The following NOSTRIN variants were observed in gnomAD, a reference collection of about 807,000 sequenced individuals.
NOSTRIN encodes nitric oxide synthase trafficking.
Under a neutral mutation model 59.0 loss-of-function variants are expected in NOSTRIN, and 63 were observed. That is an observed-to-expected ratio of 1.07 (90% CI 0.87 to 1.32). The LOEUF (loss-of-function observed/expected upper bound fraction) is 1.32, where lower values mean the gene tolerates loss of function less well. Ranked by LOEUF, NOSTRIN falls within the 40% of genes most tolerant of loss-of-function variation. The probability of loss-of-function intolerance (pLI) is 0.00; values close to 1 mark genes in which losing one functional copy is unlikely to be tolerated. For synonymous variants in NOSTRIN, 200 were observed against 165.4 expected (o/e 1.21, Z -1.61); for missense variants, 512 against 473.1 (o/e 1.08, Z -0.76).
At chr2:168,854,243 ATAGAGGCTATT>A (rs1415415468) in intron 10 of NOSTRIN, among the ~76,000 whole-genome samples, 3 of 152,230 alleles carry the variant, frequency 2.0e-5, no homozygotes, top group Non-Finnish European at 4.4e-5. Flanking sequence ...ATATGTTTTT[ATAGAGGCTATT>A]CCCTTTGCTC....
Position 168,855,348 on chromosome 2 carries a change from A to C in NOSTRIN, c.856-4A>C. 1 of 1,520,226 alleles carries C rather than the reference A, an allele frequency of 6.6e-7. No homozygotes were observed. Among genetic ancestry groups the C allele is most frequent in the Non-Finnish European group, 9.0e-7 (1 of 1,113,484 alleles). 94.2% of individuals were successfully genotyped at this position (1,520,226 alleles called of 1,614,324 possible). A position where few individuals can be genotyped will look rare whatever the true frequency, so the allele number is the denominator to read the frequency against. On this transcript the variant is annotated splice_polypyrimidine_tract_variant and splice_region_variant and intron_variant, in intron 10 of 15. Transcript: ENST00000317647. ...TTGTTAGACATCCTTCTTTTTTCCT[A>C]AAGGAAGAAGATCCTAACAGTGCAA...
In NOSTRIN at chr2:168,834,507, G is replaced by GCGCGCGCGCGCACACA. The variant is rs756381301; in HGVS notation, c.504+183_504+184insGCGCGCGCGCACACAC. ...TACTGGCGTGCGCGCGCGCGCGCGC[G>GCGCGCGCGCGCACACA]CACACACACACACACACACACACAC... is the stretch of plus-strand genomic sequence containing the variant. On this transcript the variant is annotated intron_variant, in intron 7 of 15. Transcript: ENST00000317647. Among the ~76,000 whole-genome samples the GCGCGCGCGCGCACACA allele has an allele frequency of 2.2e-4, 28 of 125,342 alleles. 1 individual carries two copies. Among genetic ancestry groups the GCGCGCGCGCGCACACA allele is most frequent in the East Asian group, 1.2e-3 (5 of 4,210 alleles). 82.2% of individuals were successfully genotyped at this position (125,342 alleles called of 152,430 possible).
intron 8 of NOSTRIN, among the ~76,000 whole-genome samples, chr2:168,848,785 G>A (rs535327052): frequency 2.6e-5 from 4 of 152,260 alleles, no homozygotes; most frequent in South Asian, 2.1e-4. Flanking sequence ...GGGATGCAGA[G>A]CGTAGGAAAT....
At chr2:168,853,674 G>C (rs193043730) in intron 10 of NOSTRIN, among the ~76,000 whole-genome samples, 1 of 152,286 alleles carries the variant, frequency 6.6e-6, no homozygotes, top group East Asian at 1.9e-4. Flanking sequence ...GTTTTAGTTA[G>C]GTGTCTTAGC....
rs1193947496 is a variant in NOSTRIN, at chr2:168,864,940, A to C, written c.1491A>C (p.Ser497=). The part of the protein sequence containing the change: ...FPAAYVEELP[S]NAGNTATKA ...CCGCTTATGTGGAGGAGTTACCTTC[A>C]AATGCTGGCAACACAGCTACAAAGG... Residue 497 remains serine, a synonymous_variant, in exon 16 of 16, where the codon TCA becomes TCC. Coordinates refer to ENST00000317647, the MANE Select transcript of NOSTRIN (RefSeq NM_001039724.4). 6.2e-7 allele frequency: 1 copy of C among 1,614,138 alleles called. No individual in the cohort carries two copies. Among genetic ancestry groups the C allele is most frequent in the East Asian group, 2.2e-5 (1 of 44,860 alleles).
At chr2:168,859,157 C>T (rs539400791) in intron 12 of NOSTRIN, 19 of 183,328 alleles carry the variant, frequency 1.0e-4, no homozygotes, top group East Asian at 4.5e-4. Context: ...TCACCTTCTT[C>T]GCAGACCACC....
intron 2 of NOSTRIN, among the ~76,000 whole-genome samples, chr2:168,790,266 C>A (rs951530915): frequency 6.6e-6 from 1 of 152,086 alleles, no homozygotes; most frequent in Non-Finnish European, 1.5e-5. Context: ...AAATGGGAAA[C>A]TATGAGTTCA....
At chr2:168,854,680 C>A (rs1194289368) in intron 10 of NOSTRIN, among the ~76,000 whole-genome samples, 1 of 152,106 alleles carries the variant, frequency 6.6e-6, no homozygotes, top group African/African-American at 2.4e-5. Flanking sequence ...CCTTTGCTCC[C>A]GCCATTTTTC....
intron 7 of NOSTRIN, 99 bp downstream of exon 7, chr2:168,834,424 C>G (rs1488196467): frequency 1.5e-6 from 1 of 681,804 alleles, no homozygotes; most frequent in African/African-American, 1.8e-5. Context: ...TCCTCCTTCT[C>G]TGTGGGATTC....
At chr2:168,817,225 G>C (rs1425442354) in intron 2 of NOSTRIN, among the ~76,000 whole-genome samples, 1 of 152,212 alleles carries the variant, frequency 6.6e-6, no homozygotes. Context: ...AAGTGGATAG[G>C]CAGTTTTGGG....
chr2:168,797,079 C>CTTTTCTTTTTTTTT (rs1553519713), upstream of NOSTRIN, among the ~76,000 whole-genome samples: 14 of 75,056 alleles, frequency 1.9e-4, no homozygotes, highest in South Asian at 6.5e-4. Flanking sequence ...TTTCTTTTTT[C>CTTTTCTTTTTTTTT]TTTTTTTTTT....
chr2:168,821,714 AAGG>A (rs1290458979), intron 2 of NOSTRIN, among the ~76,000 whole-genome samples: 1 of 152,210 alleles, frequency 6.6e-6, no homozygotes, highest in East Asian at 1.9e-4. Flanking sequence ...GGATGACACA[AAGG>A]AGAATACCAC....
At chr2:168,849,719 C>G (rs1257112566) in intron 8 of NOSTRIN, among the ~76,000 whole-genome samples, 2 of 150,956 alleles carry the variant, frequency 1.3e-5, no homozygotes, top group Non-Finnish European at 3.0e-5. Flanking sequence ...TGGACACCTG[C>G]CATCTCCATC....
upstream of NOSTRIN, chr2:168,802,375 G>A (rs1559101925): frequency 4.5e-6 from 2 of 440,772 alleles, no homozygotes; most frequent in Non-Finnish European, 8.4e-6. Flanking sequence ...ATGTTACGCT[G>A]TTCAGGACTC....
intron 2 of NOSTRIN, among the ~76,000 whole-genome samples, chr2:168,814,481 A>G (rs1007126424): frequency 4.6e-5 from 7 of 152,226 alleles, no homozygotes; most frequent in Non-Finnish European, 8.8e-5. Flanking sequence ...CATGTGAACC[A>G]ATGGTAATCT....
chr2:168,831,611 A>T (rs1481462791), intron 6 of NOSTRIN, 77 bp downstream of exon 6: 2 of 783,752 alleles, frequency 2.6e-6, no homozygotes, highest in East Asian at 2.5e-5. Flanking sequence ...AAATGCGATG[A>T]CATGTTCTAG....
At chr2:168,800,630 A>G (rs1310976316), upstream of NOSTRIN, among the ~76,000 whole-genome samples, 4 of 152,316 alleles carry the variant, frequency 2.6e-5, no homozygotes, top group East Asian at 7.7e-4. Context: ...TAATTCGTAT[A>G]CAAAGATCAC....
chr2:168,837,164 C>A (rs28599777), intron 7 of NOSTRIN, among the ~76,000 whole-genome samples: 3,839 of 152,192 alleles, frequency 0.025, 138 homozygotes, highest in African/African-American at 0.088. Flanking sequence ...TAGTCTATTG[C>A]ATCTTCCTCC....
At chr2:168,811,422 A>G (rs1350702802) in intron 1 of NOSTRIN, 145 bp from the exon 2 acceptor site, 3 of 428,166 alleles carry the variant, frequency 7.0e-6, no homozygotes, top group Admixed American at 9.0e-5. Flanking sequence ...AACTCATCCA[A>G]AAGGTATAAA....
Sources: allele counts gnomAD v4.1 joint callset (sites outside exome capture counted in the v4.1 genomes callset), GRCh38; gene constraint gnomAD v4.1.1; transcripts MANE v1.5; gene names NCBI Gene and HGNC (gene_info 2026-07-23, HGNC 2026-07-21).